Variants in RIT2 observed in about 807,000 individuals in gnomAD.
RIT2 encodes the protein Ras like without CAAX 2.
RIT2 carries 24 observed loss-of-function variants against 23.7 expected under a neutral mutation model. The observed-to-expected ratio is 1.01, with a 90% CI of 0.73 to 1.43. The LOEUF is 1.43. RIT2 is among the 40% of genes most tolerant of loss of function. The pLI is 0.00. For missense variants in RIT2, 236 were observed against 266.9 expected (o/e 0.88, Z 0.81); for synonymous variants, 107 against 91.1 (o/e 1.17, Z -0.99).
intron 1 of RIT2, among the ~76,000 whole-genome samples, chr18:43,097,168 C>T (rs1370437833): frequency 6.6e-6 from 1 of 151,694 alleles, no homozygotes; most frequent in African/African-American, 2.4e-5. Context: ...TTGAAAACAC[C>T]CCTTAGAGTT....
intron 4 of RIT2, among the ~76,000 whole-genome samples, chr18:42,856,099 G>T (rs1399297665): frequency 1.3e-5 from 2 of 152,264 alleles, no homozygotes; most frequent in Middle Eastern, 3.4e-3. Flanking sequence ...TCTTTCCAAA[G>T]GTGGATCATA....
intron 1 of RIT2, among the ~76,000 whole-genome samples, chr18:43,076,875 G>A (rs901206017): frequency 2.6e-5 from 4 of 151,848 alleles, no homozygotes; most frequent in African/African-American, 4.8e-5. Context: ...AGGCCGAGGC[G>A]GGCGGATCAC....
chr18:42,927,017 GA>G (rs1909195757), intron 3 of RIT2, among the ~76,000 whole-genome samples: 1 of 151,870 alleles, frequency 6.6e-6, no homozygotes, highest in Admixed American at 6.6e-5. Flanking sequence ...CAGGGCAGTA[GA>G]AAAGCTCAAA....
rs1568059879 is a variant in RIT2 at position 43,026,616 on chromosome 18, GAA to G, written c.160+7193_160+7194del. 3.8e-3 allele frequency among the ~76,000 whole-genome samples: 536 copies of G among 141,418 alleles called. 8 individuals are homozygous for G. The highest frequency in any genetic ancestry group is 0.036 in the South Asian group (153 of 4,216). The allele number at this position is 141,418 out of a possible 152,430, so 92.8% of individuals were successfully genotyped here. ...AGAAAGAAAGAAAGAAAGAAAGAAA[GAA>G]AGAAAGAAAGAAAGAAAGAGAGAAA... On this transcript the variant is annotated intron_variant, in intron 2 of 4. Coordinates refer to ENST00000326695, the MANE Select transcript of RIT2 (RefSeq NM_002930.4).
intron 1 of RIT2, among the ~76,000 whole-genome samples, chr18:43,039,640 A>C (rs1041552987): frequency 2.0e-5 from 3 of 151,754 alleles, no homozygotes; most frequent in African/African-American, 4.8e-5. Flanking sequence ...GAGCCACCAC[A>C]CCTGACCTCT....
intron 3 of RIT2, among the ~76,000 whole-genome samples, chr18:42,942,132 CACTT>C (rs1174791057): frequency 1.3e-5 from 2 of 151,456 alleles, no homozygotes; most frequent in African/African-American, 4.9e-5. Flanking sequence ...ATATGTCAAA[CACTT>C]ACACTGATTT....
chr18:43,022,525 T>A (rs1328945737), intron 2 of RIT2, among the ~76,000 whole-genome samples: 1 of 152,082 alleles, frequency 6.6e-6, no homozygotes, highest in African/African-American at 2.4e-5. Flanking sequence ...CATTTGACCA[T>A]AACATATTCT....
At chr18:42,891,694 C>A (rs1385566377) in intron 4 of RIT2, among the ~76,000 whole-genome samples, 1 of 151,998 alleles carries the variant, frequency 6.6e-6, no homozygotes, top group Non-Finnish European at 1.5e-5. Flanking sequence ...GGAAAAGGTG[C>A]AACTATGGAG....
At chr18:43,106,498 A>G (rs1178638921) in intron 1 of RIT2, among the ~76,000 whole-genome samples, 1 of 152,010 alleles carries the variant, frequency 6.6e-6, no homozygotes, top group Non-Finnish European at 1.5e-5. Context: ...TCGGCGTTCC[A>G]TTGTAAGACC....
intron 1 of RIT2, among the ~76,000 whole-genome samples, chr18:43,092,404 T>C (rs1335307218): frequency 6.6e-6 from 1 of 152,134 alleles, no homozygotes; most frequent in Non-Finnish European, 1.5e-5. Context: ...ATCTTAAGAC[T>C]ACTTTGTGTG....
At chr18:43,039,732 T>C (rs1912083774) in intron 1 of RIT2, among the ~76,000 whole-genome samples, 1 of 152,172 alleles carries the variant, frequency 6.6e-6, no homozygotes, top group African/African-American at 2.4e-5. Flanking sequence ...GTTGGTACTT[T>C]GGCTCTGCGG....
intron 4 of RIT2, among the ~76,000 whole-genome samples, chr18:42,784,687 A>G (rs1328401340): frequency 3.3e-5 from 5 of 152,120 alleles, no homozygotes; most frequent in South Asian, 2.1e-4. Flanking sequence ...AATCTTAACT[A>G]GCCTTCCATA....
At chr18:42,970,761 C>A (rs919904535) in intron 3 of RIT2, among the ~76,000 whole-genome samples, 1 of 151,936 alleles carries the variant, frequency 6.6e-6, no homozygotes, top group African/African-American at 2.4e-5. Flanking sequence ...ACACTTCGCA[C>A]TATTGTTCAT....
intron 3 of RIT2, among the ~76,000 whole-genome samples, chr18:42,935,881 G>A (rs1450560186): frequency 6.6e-6 from 1 of 151,992 alleles, no homozygotes; most frequent in Non-Finnish European, 1.5e-5. Flanking sequence ...TCCACTATGC[G>A]GATGAAGGAT....
chr18:43,049,279 A>T (rs1249676776), intron 1 of RIT2, among the ~76,000 whole-genome samples: 1 of 152,184 alleles, frequency 6.6e-6, no homozygotes, highest in East Asian at 1.9e-4. Context: ...AAGATCATTG[A>T]GCAACAGTGT....
At chr18:43,054,411 T>C (rs1044771055) in intron 1 of RIT2, among the ~76,000 whole-genome samples, 5 of 152,094 alleles carry the variant, frequency 3.3e-5, no homozygotes, top group African/African-American at 1.2e-4. Flanking sequence ...TAAATTGGAC[T>C]GTGTTGAGTA....
chr18:42,910,458 TAAATGGGAACA>T (rs1396934490), intron 4 of RIT2, among the ~76,000 whole-genome samples: 8 of 152,070 alleles, frequency 5.3e-5, no homozygotes, highest in Non-Finnish European at 7.4e-5. Flanking sequence ...CCCACAACCC[TAAATGGGAACA>T]GGCATTCCTG....
intron 4 of RIT2, among the ~76,000 whole-genome samples, chr18:42,793,551 A>G (rs554534624): frequency 2.0e-5 from 3 of 152,194 alleles, no homozygotes; most frequent in Admixed American, 2.0e-4. Flanking sequence ...CAACATATTA[A>G]TGCCAAATAA....
intron 4 of RIT2, among the ~76,000 whole-genome samples, chr18:42,768,181 T>C (rs1913471023): frequency 1.3e-5 from 2 of 152,174 alleles, no homozygotes; most frequent in Admixed American, 1.3e-4. Context: ...TCACCCTCAC[T>C]GATCTAGTTA....
Sources: gnomAD v4.1 joint callset for allele counts (sites outside exome capture counted in the v4.1 genomes callset) on GRCh38, gnomAD v4.1.1 for gene constraint, MANE v1.5 for transcripts, NCBI Gene and HGNC (gene_info 2026-07-23, HGNC 2026-07-21) for gene names.